Variants in UPF3A observed in about 807,000 individuals in gnomAD.
The protein encoded by UPF3A is UPF3A regulator of nonsense mediated mRNA decay, also known as regulator of nonsense transcripts 3A.
A neutral mutation model predicts 53.5 loss-of-function variants in UPF3A; 42 were observed. The ratio of observed to expected loss-of-function variants is 0.78; its 90% CI spans 0.61 to 1.01. UPF3A has a LOEUF of 1.01. Among genes scored for constraint, UPF3A ranks in the 50% least tolerant of loss-of-function variants. The pLI is 0.00. For missense variants in UPF3A, 575 were observed against 598.0 expected (o/e 0.96, Z 0.40); for synonymous variants, 237 against 225.3 (o/e 1.05, Z -0.47).
rs1665231988 is a variant in UPF3A at position 114,281,827 on chromosome 13, A to G, written c.188A>G (p.Lys63Arg). Residue 63 changes from lysine to arginine, a missense_variant, in exon 1 of 10, where the codon AAG (lysine) becomes AGG (arginine). Around this residue, in one of 2 missense-constraint regions of UPF3A, gnomAD observed 252 missense variants for 182.7 expected, o/e 1.38. Coordinates refer to ENST00000375299, the MANE Select transcript of UPF3A (RefSeq NM_023011.4). Reference protein sequence around the residue: ...GGGAGKPREEKRTALSKVVIR... With the variant: ...GGGAGKPREERRTALSKVVIR... ...GGTGCGGGCAAACCTCGCGAGGAGA[A>G]GAGGACGGCCCTGAGCAAGGTGGGG... The G allele has an allele frequency of 4.6e-6, 7 of 1,526,814 alleles. No individual in the cohort carries two copies. The highest frequency in any genetic ancestry group is 2.4e-5 in the South Asian group (2 of 83,442). 94.6% of individuals were successfully genotyped at this position (1,526,814 alleles called of 1,614,324 possible). A position where few individuals can be genotyped will look rare whatever the true frequency, so the allele number is the denominator to read the frequency against.
chr13:114,300,069 T>G (rs2086457176), intron 8 of UPF3A, among the ~76,000 whole-genome samples: 1 of 152,250 alleles, frequency 6.6e-6, no homozygotes, highest in South Asian at 2.1e-4. Flanking sequence ...ACTGTGACAG[T>G]TGATGACACA....
chr13:114,286,476 G>A, intron 4 of UPF3A, 43 bp from the exon 5 acceptor site: 1 of 1,610,488 alleles, frequency 6.2e-7, no homozygotes, highest in Non-Finnish European at 8.5e-7. Flanking sequence ...TCCCGTAGTT[G>A]GGAAAGATTA....
At chr13:114,288,591 A>G (rs2084964593) in intron 5 of UPF3A, among the ~76,000 whole-genome samples, 1 of 152,226 alleles carries the variant, frequency 6.6e-6, no homozygotes, top group African/African-American at 2.4e-5. Context: ...GGGCAACTGG[A>G]AGCCACTGGG....
chr13:114,292,879 CCTGA>C (rs1382481718), intron 7 of UPF3A, among the ~76,000 whole-genome samples: 1 of 151,710 alleles, frequency 6.6e-6, no homozygotes, highest in Non-Finnish European at 1.5e-5. Context: ...TCGAGATCAC[CCTGA>C]CTAACATGGT....
At position 114,291,790 on chromosome 13, in the gene UPF3A, A is replaced by C. The variant is rs376741542; in HGVS notation, c.844A>C (p.Lys282Gln). The C allele has an allele frequency of 3.5e-5, 56 of 1,578,232 alleles. No homozygotes were observed. The highest frequency in any genetic ancestry group is 4.7e-5 in the Non-Finnish European group (55 of 1,166,530). Residue 282 changes from lysine to glutamine, a missense_variant and splice_region_variant, in exon 7 of 10, where the codon AAG becomes CAG. Lys to Gln is a moderately conservative substitution (Grantham distance 53, BLOSUM62 1). Coordinates refer to ENST00000375299, the MANE Select transcript of UPF3A (RefSeq NM_023011.4). ...AATTGCAGAGAAAGAAGTAAGGATT[A>C]AGGTAATTCTGAGGAAACATTTCCT... The part of the protein sequence containing the change: ...KKIAEKEVRI[K>Q]LLKKPEKGEE...
At chr13:114,286,093 T>G in intron 3 of UPF3A, 1 of 570,948 alleles carries the variant, frequency 1.8e-6, no homozygotes, top group Non-Finnish European at 2.9e-6. Flanking sequence ...GTTTGCCGTG[T>G]TAAGGTTGCA....
In UPF3A at chr13:114,281,610, T is replaced by TGGCGGC. The variant is rs1277253300; in HGVS notation, c.-29_-24dup. The TGGCGGC allele has an allele frequency of 3.6e-6, 5 of 1,403,842 alleles. No homozygotes were observed. Among genetic ancestry groups the TGGCGGC allele is most frequent in the Middle Eastern group, 2.6e-4 (1 of 3,838 alleles). The allele number at this position is 1,403,842 out of a possible 1,614,324, so 87.0% of individuals were successfully genotyped here. ...GCTCTCGCGAGGTTTCGTCGGGGGC[T>TGGCGGC]GGCGGCTGCGGCTCGGCGGAGAGTG... On this transcript the variant is annotated 5_prime_UTR_variant, in exon 1 of 10. Transcript: ENST00000375299.
At chr13:114,290,827 G>A (rs139406228) in intron 5 of UPF3A, among the ~76,000 whole-genome samples, 2,827 of 149,648 alleles carry the variant, frequency 0.019, 89 homozygotes, top group African/African-American at 0.065. Flanking sequence ...TCCTCCTCCC[G>A]TGTTCAAGTA....
At chr13:114,304,184 G>C (rs1019038896) in intron 9 of UPF3A, among the ~76,000 whole-genome samples, 4 of 152,238 alleles carry the variant, frequency 2.6e-5, no homozygotes, top group Non-Finnish European at 5.9e-5. Context: ...GGCAGGGCTG[G>C]TGGCCCCATC....
chr13:114,291,815 T>C, intron 7 of UPF3A, 23 bp downstream of exon 7: 1 of 1,564,584 alleles, frequency 6.4e-7, no homozygotes, highest in Non-Finnish European at 8.6e-7. Context: ...AAACATTTCC[T>C]TTTTCCAAAA....
At chr13:114,294,273 T>TTGG (rs1555372456) in intron 7 of UPF3A, among the ~76,000 whole-genome samples, 3 of 143,074 alleles carry the variant, frequency 2.1e-5, no homozygotes, top group Non-Finnish European at 4.6e-5. Context: ...TTGGTTTTGG[T>TTGG]GGGGGGGGGG....
chr13:114,287,727 A>T (rs557375967), intron 5 of UPF3A: 8 of 152,334 alleles, frequency 5.3e-5, no homozygotes, highest in African/African-American at 1.9e-4. Flanking sequence ...GGTTGTAGAA[A>T]AGTTCAGGAA....
chr13:114,283,486 A>G (rs1212182294), intron 3 of UPF3A: 1 of 152,442 alleles, frequency 6.6e-6, no homozygotes, highest in Non-Finnish European at 1.5e-5. Flanking sequence ...CTATTTATGT[A>G]TTATCATCAG....
chr13:114,282,803 C>T lies in UPF3A; in HGVS notation c.315-34C>T, dbSNP rs370166233. ...TAAATTAATGGACTATTGTATTTTT[C>T]ACTGACCATTTTCACTGTTATCTCT... On this transcript the variant is annotated intron_variant, in intron 2 of 9. Transcript: ENST00000375299. The T allele has an allele frequency of 1.1e-5, 18 of 1,580,626 alleles. No individual in the cohort carries two copies. In the African/African-American group the frequency reaches 2.2e-4, roughly 19 times the overall value.
At chr13:114,303,255 G>A (rs1040919773) in intron 9 of UPF3A, among the ~76,000 whole-genome samples, 2 of 152,126 alleles carry the variant, frequency 1.3e-5, no homozygotes, top group East Asian at 1.9e-4. Flanking sequence ...TTGATAGGGC[G>A]TTGCTCATAG....
intron 8 of UPF3A, among the ~76,000 whole-genome samples, chr13:114,300,309 T>C (rs1280872644): frequency 2.0e-5 from 3 of 152,248 alleles, no homozygotes; most frequent in African/African-American, 2.4e-5. Flanking sequence ...TGGACCACTT[T>C]AGTCTCAGTC....
At chr13:114,299,693 G>C (rs1376718798) in intron 8 of UPF3A, among the ~76,000 whole-genome samples, 4 of 152,224 alleles carry the variant, frequency 2.6e-5, no homozygotes, top group Admixed American at 6.5e-5. Flanking sequence ...CAGTCAGGAG[G>C]GATCCTGTCC....
At chr13:114,297,086 T>C (rs1405382268) in intron 7 of UPF3A, among the ~76,000 whole-genome samples, 1 of 152,208 alleles carries the variant, frequency 6.6e-6, no homozygotes, top group Non-Finnish European at 1.5e-5. Flanking sequence ...CATGATGCGT[T>C]GTGTTCCCAA....
At chr13:114,297,939 C>T (rs182058301) in intron 7 of UPF3A, among the ~76,000 whole-genome samples, 48 of 152,230 alleles carry the variant, frequency 3.2e-4, no homozygotes, top group African/African-American at 1.1e-3. Flanking sequence ...ACCCAGGAGA[C>T]GGAGGTTGCA....
Sources: allele counts gnomAD v4.1 joint callset (sites outside exome capture counted in the v4.1 genomes callset), GRCh38; gene constraint gnomAD v4.1.1; regional missense constraint gnomAD v4.1.1; transcripts MANE v1.5; gene names NCBI Gene and HGNC (gene_info 2026-07-23, HGNC 2026-07-21).